Variants in ASCC1 observed in about 807,000 individuals in gnomAD.
ASCC1 encodes ASC-1 complex subunit P50.
ASCC1 carries 35 observed loss-of-function variants against 46.6 expected under a neutral mutation model. The observed-to-expected ratio is 0.75, with a 90% confidence interval of 0.57 to 0.99. ASCC1 has a LOEUF of 0.99. Among genes scored for constraint, ASCC1 ranks in the 50% least tolerant of loss-of-function variants. The pLI, the probability that ASCC1 is intolerant of heterozygous loss-of-function variation, is 0.00. For synonymous variants in ASCC1, 143 were observed against 146.6 expected (o/e 0.98, Z 0.18); for missense variants, 376 against 428.7 (o/e 0.88, Z 1.09).
chr10:72,139,320 T>A (rs1846690350), intron 7 of ASCC1, among the ~76,000 whole-genome samples: 1 of 151,824 alleles, frequency 6.6e-6, no homozygotes, highest in Admixed American at 6.6e-5. Context: ...TTCACCGTGT[T>A]AGCCAGGATG....
chr10:72,099,937 T>G (rs1015478504), intron 9 of ASCC1, among the ~76,000 whole-genome samples: 54 of 152,308 alleles, frequency 3.5e-4, no homozygotes, highest in African/African-American at 1.2e-3. Flanking sequence ...TATGGAAAAT[T>G]AGTATTTCCG....
intron 8 of ASCC1, among the ~76,000 whole-genome samples, chr10:72,132,429 T>A (rs958219277): frequency 6.6e-6 from 1 of 152,208 alleles, no homozygotes; most frequent in African/African-American, 2.4e-5. Context: ...GGCATTTTTA[T>A]AAAAAGGCTC....
rs1225840049 is a variant in ASCC1 at position 72,161,533 on chromosome 10, C to A, written c.626+5G>T. ...ACCCAACCCCCATCCCTGAGAATTA[C>A]TCACTTAATGAATTCCTCTTTACAC... is the stretch of plus-strand genomic sequence containing the variant. On this transcript the variant is annotated splice_donor_5th_base_variant and intron_variant, in intron 6 of 9. Transcript: ENST00000672957. 9 of 1,614,174 alleles carry A rather than the reference C, an allele frequency of 5.6e-6. No homozygotes were observed. The highest frequency in any genetic ancestry group is 7.6e-6 in the Non-Finnish European group (9 of 1,180,026).
At chr10:72,124,191 TAC>T (rs1404928294) in intron 9 of ASCC1, among the ~76,000 whole-genome samples, 1 of 152,206 alleles carries the variant, frequency 6.6e-6, no homozygotes, top group African/African-American at 2.4e-5. Context: ...TTAAAATTAA[TAC>T]AGTTAGTTTA....
intron 5 of ASCC1, among the ~76,000 whole-genome samples, chr10:72,180,017 C>T (rs988208133): frequency 4.6e-5 from 7 of 152,210 alleles, no homozygotes; most frequent in African/African-American, 1.7e-4. Flanking sequence ...TGGCTCACAC[C>T]TGTAATCTCG....
intron 9 of ASCC1, among the ~76,000 whole-genome samples, chr10:72,109,594 AT>A (rs924345640): frequency 3.9e-5 from 6 of 152,300 alleles, no homozygotes; most frequent in South Asian, 4.1e-4. Context: ...CACTTTGGGA[AT>A]TTGGCCTGAG....
chr10:72,156,613 A>G (rs963780807), intron 6 of ASCC1, among the ~76,000 whole-genome samples: 1 of 152,022 alleles, frequency 6.6e-6, no homozygotes, highest in Non-Finnish European at 1.5e-5. Context: ...TCTACTAAAT[A>G]TACAAAAAAC....
At position 72,097,178 on chromosome 10, in the gene ASCC1, T is replaced by TGAGACACCATTAGACGGGTA; in HGVS notation, c.*155_*156insTACCCGTCTAATGGTGTCTC. On this transcript the variant is annotated 3_prime_UTR_variant, in exon 10 of 10. Coordinates refer to ENST00000672957, the MANE Select transcript of ASCC1 (RefSeq NM_001198800.3). ...CCATCTCAGCTGGTAGTATGACGGG[T>TGAGACACCATTAGACGGGTA]GTAGACACCATTAGAGGCAATGGTG... 1.4e-6 allele frequency: 1 copy of TGAGACACCATTAGACGGGTA among 728,670 alleles called. No individual in the cohort carries two copies. Among genetic ancestry groups the TGAGACACCATTAGACGGGTA allele is most frequent in the East Asian group, 2.6e-5 (1 of 37,814 alleles). The allele number at this position is 728,670 out of a possible 1,614,324, so 45.1% of individuals were successfully genotyped here. A position where few individuals can be genotyped will look rare whatever the true frequency, so the allele number is the denominator to read the frequency against.
intron 5 of ASCC1, among the ~76,000 whole-genome samples, chr10:72,196,506 G>A (rs1338965585): frequency 6.6e-6 from 1 of 151,756 alleles, no homozygotes; most frequent in Non-Finnish European, 1.5e-5. Context: ...GGTCTTGAAC[G>A]CCTGACCTCA....
intron 9 of ASCC1, among the ~76,000 whole-genome samples, chr10:72,107,238 T>G (rs1311999517): frequency 6.6e-6 from 1 of 151,368 alleles, no homozygotes; most frequent in East Asian, 1.9e-4. Flanking sequence ...CTAATCTCAC[T>G]CAGAATTAAG....
At chr10:72,201,024 A>C (rs898863473) in intron 4 of ASCC1, among the ~76,000 whole-genome samples, 1 of 152,218 alleles carries the variant, frequency 6.6e-6, no homozygotes, top group Non-Finnish European at 1.5e-5. Context: ...CCAGTACCTG[A>C]CACGTGCGGC....
intron 5 of ASCC1, among the ~76,000 whole-genome samples, chr10:72,181,400 G>T (rs1430935252): frequency 6.6e-6 from 1 of 152,140 alleles, no homozygotes; most frequent in Non-Finnish European, 1.5e-5. Flanking sequence ...TCAGTTTTAG[G>T]AAGTCTGGTC....
chr10:72,163,693 C>T (rs1489364737), intron 5 of ASCC1, among the ~76,000 whole-genome samples: 2 of 151,676 alleles, frequency 1.3e-5, no homozygotes, highest in Non-Finnish European at 2.9e-5. Flanking sequence ...CGAGATCGCA[C>T]CACTGCACTC....
chr10:72,161,026 T>G (rs1849623993), intron 6 of ASCC1, among the ~76,000 whole-genome samples: 3 of 151,872 alleles, frequency 2.0e-5, no homozygotes, highest in Non-Finnish European at 4.4e-5. Context: ...GAGCTTGCAG[T>G]GAGCCGAGAT....
chr10:72,195,139 GTTT>G (rs142672810), intron 5 of ASCC1, among the ~76,000 whole-genome samples: 6,251 of 60,570 alleles, frequency 0.1, 205 homozygotes, highest in African/African-American at 0.34. Flanking sequence ...TTTTTGCTGT[GTTT>G]TTTTTTTTTT....
chr10:72,196,280 T>C (rs1479889716), intron 5 of ASCC1, among the ~76,000 whole-genome samples: 1 of 102,086 alleles, frequency 9.8e-6, no homozygotes, highest in Non-Finnish European at 1.7e-5. Flanking sequence ...GTCTTAAATC[T>C]TTTTTTTTTT....
At chr10:72,121,517 T>TAA (rs1021726905) in intron 9 of ASCC1, among the ~76,000 whole-genome samples, 2 of 126,638 alleles carry the variant, frequency 1.6e-5, no homozygotes, top group African/African-American at 3.5e-5. Context: ...GATGGGTTCT[T>TAA]AAAAAAAAAA....
chr10:72,213,139 A>G lies in ASCC1; in HGVS notation c.112+48T>C, dbSNP rs557919359. The G allele has an allele frequency of 2.1e-5, 27 of 1,312,648 alleles. No individual in the cohort carries two copies. The South Asian group carries it at 2.6e-4, about 13-fold the overall frequency. The allele number at this position is 1,312,648 out of a possible 1,614,324, so 81.3% of individuals were successfully genotyped here. Reference sequence around the variant, plus strand: ...ACAAACAAAAAATTGATCCTACAATACACAGGACATTTTACTTCTTATCTG... The same window carrying G: ...ACAAACAAAAAATTGATCCTACAATGCACAGGACATTTTACTTCTTATCTG... On this transcript the variant is annotated intron_variant, in intron 2 of 9. Transcript: ENST00000672957.
chr10:72,197,770 G>A, intron 4 of ASCC1, among the ~76,000 whole-genome samples: 1 of 151,168 alleles, frequency 6.6e-6, no homozygotes, highest in Non-Finnish European at 1.5e-5. Context: ...GCTGGGTGTG[G>A]TGTCACATGT....
Sources: gnomAD v4.1 joint callset for allele counts (sites outside exome capture counted in the v4.1 genomes callset) on GRCh38, gnomAD v4.1.1 for gene constraint, MANE v1.5 for transcripts, NCBI Gene and HGNC (gene_info 2026-07-23, HGNC 2026-07-21) for gene names.